Variants in ECHDC1 observed in about 807,000 individuals in gnomAD.
The protein encoded by ECHDC1 is ethylmalonyl-CoA decarboxylase.
In ECHDC1, 29 loss-of-function variants were observed where a neutral mutation model predicts 29.7. The observed-to-expected ratio is 0.98, with a 90% CI of 0.73 to 1.33. ECHDC1 has a LOEUF of 1.33. ECHDC1 is among the 40% of genes most tolerant of loss of function. The pLI is 0.00. For synonymous variants in ECHDC1, 126 were observed against 123.1 expected, an observed-to-expected ratio of 1.02 and a Z score of -0.15; for missense variants, 328 against 350.0, an observed-to-expected ratio of 0.94 and a Z score of 0.50.
At chr6:127,336,066 G>A (rs1784401909) in intron 1 of ECHDC1, among the ~76,000 whole-genome samples, 1 of 151,940 alleles carries the variant, frequency 6.6e-6, no homozygotes, top group Non-Finnish European at 1.5e-5. Context: ...GTTAATTCAA[G>A]GTACCCTGCA....
intron 3 of ECHDC1, among the ~76,000 whole-genome samples, chr6:127,323,241 C>T (rs972927882): frequency 5.3e-5 from 8 of 151,810 alleles, no homozygotes; most frequent in African/African-American, 1.2e-4. Flanking sequence ...CTTCTAGTTC[C>T]AAGCATTTTG....
At chr6:127,332,849 TG>T (rs35069622) in intron 1 of ECHDC1, among the ~76,000 whole-genome samples, 111,016 of 152,016 alleles carry the variant, frequency 0.73, 40,721 homozygotes, top group East Asian at 0.78. Flanking sequence ...TGTAATGCAG[TG>T]GGCACTATCT....
intron 4 of ECHDC1, chr6:127,315,165 T>C (rs1339548229): frequency 3.4e-6 from 2 of 584,104 alleles, no homozygotes; most frequent in East Asian, 7.7e-5. Context: ...TTTTAAGCTA[T>C]AGCCATATTG....
At chr6:127,313,556 G>A (rs1461059680) in intron 5 of ECHDC1, 4 of 455,894 alleles carry the variant, frequency 8.8e-6, no homozygotes, top group Non-Finnish European at 1.8e-5. Flanking sequence ...AGCACTACAT[G>A]CCAGCGCAGA....
chr6:127,300,890 G>C (rs1161306686), intron 5 of ECHDC1, among the ~76,000 whole-genome samples: 1 of 152,154 alleles, frequency 6.6e-6, no homozygotes, highest in Non-Finnish European at 1.5e-5. Context: ...GTGGTAGTTT[G>C]TTATAGCAGC....
chr6:127,321,624 CTATA>C (rs1782832233), intron 3 of ECHDC1, among the ~76,000 whole-genome samples: 1 of 152,162 alleles, frequency 6.6e-6, no homozygotes, highest in Non-Finnish European at 1.5e-5. Context: ...TACTTTTATG[CTATA>C]TATTTCTTAT....
At chr6:127,338,187 C>T (rs184398962) in intron 1 of ECHDC1, among the ~76,000 whole-genome samples, 43 of 152,266 alleles carry the variant, frequency 2.8e-4, no homozygotes, top group Admixed American at 7.8e-4. Flanking sequence ...AGAGGTAGTT[C>T]TGTAGCAATT....
At chr6:127,302,265 A>C (rs530055050) in intron 5 of ECHDC1, among the ~76,000 whole-genome samples, 1 of 152,318 alleles carries the variant, frequency 6.6e-6, no homozygotes, top group Non-Finnish European at 1.5e-5. Flanking sequence ...AAGTCTAATA[A>C]AGGTGAACAC....
chr6:127,314,362 C>T (rs1178829910), intron 5 of ECHDC1, among the ~76,000 whole-genome samples: 3 of 152,124 alleles, frequency 2.0e-5, no homozygotes, highest in Non-Finnish European at 4.4e-5. Context: ...GAAAGTCCCA[C>T]AAAGTTGCTA....
intron 1 of ECHDC1, among the ~76,000 whole-genome samples, chr6:127,334,054 C>A (rs1401601298): frequency 6.6e-6 from 1 of 152,082 alleles, no homozygotes; most frequent in African/African-American, 2.4e-5. Context: ...TGTTAGAGAT[C>A]TTTTATTCTT....
intron 5 of ECHDC1, among the ~76,000 whole-genome samples, chr6:127,291,543 A>G (rs1164147245): frequency 6.6e-6 from 1 of 152,102 alleles, no homozygotes; most frequent in Non-Finnish European, 1.5e-5. Flanking sequence ...GGGAGTTAAC[A>G]TTTGCCAGTT....
At chr6:127,322,613 C>T (rs1398612479) in intron 3 of ECHDC1, among the ~76,000 whole-genome samples, 2 of 149,080 alleles carry the variant, frequency 1.3e-5, no homozygotes, top group African/African-American at 2.5e-5. Flanking sequence ...TTATGCCAGA[C>T]CAATGATGTA....
intron 1 of ECHDC1, chr6:127,341,781 T>C (rs1784968792): frequency 6.6e-6 from 1 of 152,306 alleles, no homozygotes; most frequent in Admixed American, 6.5e-5. Flanking sequence ...TTTCACCTTA[T>C]ACTGTAATCA....
At position 127,330,823 on chromosome 6, in the gene ECHDC1, A is replaced by C; in HGVS notation, c.206T>G (p.Met69Arg). 1 of 1,613,606 alleles carries C rather than the reference A, an allele frequency of 6.2e-7. No individual in the cohort carries two copies. ...GILTLNNPSR[M>R]NAFSGVMMLQ... Reference sequence around the variant, plus strand: ...ATCCCTAATACCTGAAAAGGCATTCATTCTACTTGGATTGTTCAGAGTAAG... The same window carrying C: ...ATCCCTAATACCTGAAAAGGCATTCCTTCTACTTGGATTGTTCAGAGTAAG... The change falls in exon 2 of 6, where the codon ATG becomes AGG. Residue 69 changes from methionine (M) to arginine (R), a missense_variant. Met to Arg is a moderately conservative substitution (Grantham distance 91). Transcript: ENST00000454859.
chr6:127,325,676 T>A (rs1468732599), intron 3 of ECHDC1, among the ~76,000 whole-genome samples: 2 of 150,210 alleles, frequency 1.3e-5, no homozygotes, highest in Non-Finnish European at 3.0e-5. Context: ...CCCCTGATAA[T>A]CACCATTCCA....
At chr6:127,293,526 C>T (rs1281220534) in intron 5 of ECHDC1, among the ~76,000 whole-genome samples, 1 of 152,102 alleles carries the variant, frequency 6.6e-6, no homozygotes, top group Non-Finnish European at 1.5e-5. Flanking sequence ...GAAGATTCAT[C>T]TCTAGATCTT....
chr6:127,312,934 TATATATTTATGTAAAA>T (rs1271511687), intron 5 of ECHDC1: 10 of 152,164 alleles, frequency 6.6e-5, no homozygotes, highest in South Asian at 4.1e-4. Flanking sequence ...GTACATACTC[TATATATTTATGTAAAA>T]ATGTATTTAT....
In ECHDC1 at chr6:127,289,677, G is replaced by A. The variant is rs1422966680; in HGVS notation, c.*192C>T. Reference sequence around the variant, plus strand: ...ATTTTAGCTAAATGTTCCAGATTACGCAGTAAATACCCAAGTGAGTAATTG... The same window carrying A: ...ATTTTAGCTAAATGTTCCAGATTACACAGTAAATACCCAAGTGAGTAATTG... On this transcript the variant is annotated 3_prime_UTR_variant, in exon 6 of 6. Coordinates refer to ENST00000454859, the MANE Select transcript of ECHDC1 (RefSeq NM_001002030.2). The A allele has an allele frequency of 1.5e-5, 8 of 550,396 alleles. No individual in the cohort carries two copies. Among genetic ancestry groups the A allele is most frequent in the Admixed American group, 3.5e-5 (1 of 28,548 alleles). The allele number at this position is 550,396 out of a possible 1,614,324, so 34.1% of individuals were successfully genotyped here. A position where few individuals can be genotyped will look rare whatever the true frequency, so the allele number is the denominator to read the frequency against.
intron 3 of ECHDC1, among the ~76,000 whole-genome samples, chr6:127,319,608 A>G (rs1459267310): frequency 6.6e-6 from 1 of 152,222 alleles, no homozygotes; most frequent in Non-Finnish European, 1.5e-5. Flanking sequence ...CACTGGGTTG[A>G]AGAAAGCAAA....
Sources: allele counts gnomAD v4.1 joint callset (sites outside exome capture counted in the v4.1 genomes callset), GRCh38; gene constraint gnomAD v4.1.1; transcripts MANE v1.5; gene names NCBI Gene and HGNC (gene_info 2026-07-23, HGNC 2026-07-21).